Variants in SHC3 observed in about 807,000 individuals in gnomAD.
The protein encoded by SHC3 is SHC-transforming protein 3.
In SHC3, 15 loss-of-function variants were observed where a neutral mutation model predicts 60.4. That is an observed-to-expected ratio of 0.25 (90% CI 0.17 to 0.38). The LOEUF is 0.38. Ranked by LOEUF, SHC3 falls within the 10% of genes least tolerant of loss-of-function variation. The probability of loss-of-function intolerance (pLI) is 1.00; values close to 1 mark genes in which losing one functional copy is unlikely to be tolerated. For synonymous variants in SHC3, 294 were observed against 325.9 expected, an observed-to-expected ratio of 0.90 and a Z score of 1.05; for missense variants, 677 against 786.1, an observed-to-expected ratio of 0.86 and a Z score of 1.66.
rs1185813107 is a variant in SHC3 at position 89,162,916 on chromosome 9, A to T, written c.474+15071T>A. 2.2e-5 allele frequency among the ~76,000 whole-genome samples: 3 copies of T among 138,694 alleles called. No individual in the cohort carries two copies. In the Admixed American group the frequency reaches 2.2e-4, roughly 10 times the overall value. 91.0% of individuals were successfully genotyped at this position (138,694 alleles called of 152,430 possible). A position where few individuals can be genotyped will look rare whatever the true frequency, so the allele number is the denominator to read the frequency against. ...TTACAAGAAAAAAACAAACAACCCC[A>T]TCAAAAAGTGGGCGAAGGACATGAA... On this transcript the variant is annotated intron_variant, in intron 1 of 11. Transcript: ENST00000375835.
intron 1 of SHC3, among the ~76,000 whole-genome samples, chr9:89,172,115 T>C (rs965031270): frequency 6.6e-6 from 1 of 152,242 alleles, no homozygotes; most frequent in Admixed American, 6.5e-5. Flanking sequence ...AAGATCAGCA[T>C]GGCCTGTAAC....
chr9:89,061,546 T>C (rs1009281370), intron 6 of SHC3, among the ~76,000 whole-genome samples: 3 of 152,206 alleles, frequency 2.0e-5, no homozygotes, highest in African/African-American at 7.2e-5. Flanking sequence ...GCAAGATGTC[T>C]TAGGAGCCGC....
At chr9:89,139,440 A>G (rs938129160) in intron 1 of SHC3, among the ~76,000 whole-genome samples, 2 of 152,246 alleles carry the variant, frequency 1.3e-5, no homozygotes, top group Admixed American at 6.5e-5. Flanking sequence ...TATTTTTCAC[A>G]TAAGCTGTTT....
At chr9:89,083,481 C>A (rs1387129470) in intron 2 of SHC3, among the ~76,000 whole-genome samples, 1 of 152,170 alleles carries the variant, frequency 6.6e-6, no homozygotes, top group Non-Finnish European at 1.5e-5. Flanking sequence ...AGAGGCATTT[C>A]AGGATATGCC....
chr9:89,142,840 C>T (rs1362242271), intron 1 of SHC3, among the ~76,000 whole-genome samples: 1 of 152,028 alleles, frequency 6.6e-6, no homozygotes, highest in Non-Finnish European at 1.5e-5. Context: ...AATTTTCCTT[C>T]GGGTCGAGGG....
intron 1 of SHC3, among the ~76,000 whole-genome samples, chr9:89,140,239 C>G (rs2118188791): frequency 6.6e-6 from 1 of 152,248 alleles, no homozygotes; most frequent in African/African-American, 2.4e-5. Context: ...TTACCAGTTT[C>G]TTAATTGGAT....
In SHC3 at chr9:89,123,762, T is replaced by C. The variant is rs549421373; in HGVS notation, c.475-11136A>G. ...AGAATTCATGGATAATTAACCCTGG[T>C]GATTTCTACCTTCAGTGTCTATTAG... is the stretch of plus-strand genomic sequence containing the variant. On this transcript the variant is annotated intron_variant, in intron 1 of 11. Coordinates refer to ENST00000375835, the MANE Select transcript of SHC3 (RefSeq NM_016848.6). 9.8e-5 allele frequency among the ~76,000 whole-genome samples: 15 copies of C among 152,342 alleles called. 2 individuals carry two copies. In the South Asian group the frequency reaches 2.9e-3, roughly 29 times the overall value.
At chr9:89,059,772 G>GAGGACA in intron 6 of SHC3, among the ~76,000 whole-genome samples, 1 of 144,218 alleles carries the variant, frequency 6.9e-6, no homozygotes, top group African/African-American at 2.6e-5. Flanking sequence ...GAGGATGGTG[G>GAGGACA]TGGAGGATGG....
intron 2 of SHC3, among the ~76,000 whole-genome samples, chr9:89,087,933 T>G (rs1825559055): frequency 6.6e-6 from 1 of 152,198 alleles, no homozygotes; most frequent in Admixed American, 6.5e-5. Flanking sequence ...CTGAAGGAAA[T>G]GAAAGTATTT....
intron 2 of SHC3, among the ~76,000 whole-genome samples, chr9:89,092,820 T>C (rs991801252): frequency 6.6e-6 from 1 of 152,048 alleles, no homozygotes; most frequent in Non-Finnish European, 1.5e-5. Context: ...GTCATCTTTA[T>C]CTTTTCTTTC....
chr9:89,100,669 C>T (rs1393860762), intron 2 of SHC3, among the ~76,000 whole-genome samples: 1 of 152,190 alleles, frequency 6.6e-6, no homozygotes, highest in Non-Finnish European at 1.5e-5. Flanking sequence ...TCCTAGCGAC[C>T]TGTGATCTAA....
At chr9:89,139,617 T>G (rs1826364409) in intron 1 of SHC3, among the ~76,000 whole-genome samples, 2 of 152,216 alleles carry the variant, frequency 1.3e-5, no homozygotes. Context: ...CTAAGATAAG[T>G]GCCATTCTTT....
intron 1 of SHC3, among the ~76,000 whole-genome samples, chr9:89,158,648 T>G (rs868695448): frequency 2.6e-5 from 4 of 152,364 alleles, no homozygotes; most frequent in Middle Eastern, 3.4e-3. Context: ...GCTGTTGAAG[T>G]CTCCAACTAT....
At chr9:89,027,246 T>A (rs1309994355) in intron 11 of SHC3, among the ~76,000 whole-genome samples, 1 of 152,206 alleles carries the variant, frequency 6.6e-6, no homozygotes, top group Non-Finnish European at 1.5e-5. Flanking sequence ...TGCTAAAATT[T>A]ACCTGTGTGT....
intron 1 of SHC3, among the ~76,000 whole-genome samples, chr9:89,153,858 C>A (rs1826581900): frequency 6.6e-6 from 1 of 152,204 alleles, no homozygotes. Flanking sequence ...AACAGTAGGA[C>A]TGGGGATGGC....
intron 11 of SHC3, among the ~76,000 whole-genome samples, chr9:89,027,848 T>C (rs1429404517): frequency 2.0e-5 from 3 of 152,080 alleles, no homozygotes; most frequent in Non-Finnish European, 4.4e-5. Flanking sequence ...AGGGGAGTCT[T>C]GCAGTGGAGG....
At chr9:89,127,780 C>T (rs181332346) in intron 1 of SHC3, among the ~76,000 whole-genome samples, 3 of 125,254 alleles carry the variant, frequency 2.4e-5, no homozygotes, top group East Asian at 4.4e-4. Flanking sequence ...CCCCACTCCA[C>T]CCCCCCCCAC....
At chr9:89,095,890 C>A (rs1422611347) in intron 2 of SHC3, among the ~76,000 whole-genome samples, 1 of 152,152 alleles carries the variant, frequency 6.6e-6, no homozygotes, top group Non-Finnish European at 1.5e-5. Flanking sequence ...CTGCCTGAGG[C>A]TATAAATAAT....
intron 6 of SHC3, among the ~76,000 whole-genome samples, chr9:89,059,782 G>A (rs1481773600): frequency 1.4e-4 from 3 of 22,130 alleles, no homozygotes; most frequent in African/African-American, 7.8e-4. Context: ...GTGGAGGATG[G>A]TGGTGGAGGA....
Sources: gnomAD v4.1 joint callset for allele counts (sites outside exome capture counted in the v4.1 genomes callset) on GRCh38, gnomAD v4.1.1 for gene constraint, MANE v1.5 for transcripts, NCBI Gene and HGNC (gene_info 2026-07-23, HGNC 2026-07-21) for gene names.